The following SPAG16 variants were observed in gnomAD, a reference collection of about 807,000 sequenced individuals.
SPAG16 encodes sperm associated antigen 16.
Under a neutral mutation model 80.4 loss-of-function variants are expected in SPAG16, and 86 were observed. The ratio of observed to expected loss-of-function variants is 1.07; its 90% CI spans 0.90 to 1.28. SPAG16 has a LOEUF of 1.28. Ranked by LOEUF, SPAG16 falls within the 50% of genes most tolerant of loss-of-function variation. The pLI is 0.00. For missense variants in SPAG16, 870 were observed against 765.3 expected, an observed-to-expected ratio of 1.14 and a Z score of -1.61; for synonymous variants, 294 against 265.9, an observed-to-expected ratio of 1.11 and a Z score of -1.03.
At chr2:214,084,988 G>A (rs1432285593) in intron 13 of SPAG16, among the ~76,000 whole-genome samples, 1 of 152,196 alleles carries the variant, frequency 6.6e-6, no homozygotes, top group Non-Finnish European at 1.5e-5. Flanking sequence ...AGACAAAGCA[G>A]AGAGCAATTC....
chr2:214,032,363 C>A (rs1281232837), intron 13 of SPAG16, among the ~76,000 whole-genome samples: 1 of 152,314 alleles, frequency 6.6e-6, no homozygotes, highest in Non-Finnish European at 1.5e-5. Context: ...GGGTCTTGAG[C>A]TGGTACAGCT....
At chr2:213,512,345 C>T (rs912184388) in intron 10 of SPAG16, among the ~76,000 whole-genome samples, 26 of 152,194 alleles carry the variant, frequency 1.7e-4, no homozygotes, top group Non-Finnish European at 1.2e-4. Context: ...GTTGTCATAT[C>T]GTATTGCAAG....
rs61529213 is a variant in SPAG16, at chr2:213,897,245, T to C, written c.1215-32715T>C. On this transcript the variant is annotated intron_variant, in intron 11 of 15. Coordinates refer to ENST00000331683, the MANE Select transcript of SPAG16 (RefSeq NM_024532.5). ...ATACCATCATGTATAATTTGATGTATTGAACAGAAAATCAACATTGATGCA... is the reference window on the plus strand; with the variant it reads ...ATACCATCATGTATAATTTGATGTACTGAACAGAAAATCAACATTGATGCA... Among the ~76,000 whole-genome samples, 797 of 152,292 alleles carry C rather than the reference T, an allele frequency of 5.2e-3. 28 individuals carry two copies. The East Asian group carries it at 0.081, about 15-fold the overall frequency.
chr2:214,035,267 C>A (rs1233065585), intron 13 of SPAG16, among the ~76,000 whole-genome samples: 1 of 152,124 alleles, frequency 6.6e-6, no homozygotes, highest in Non-Finnish European at 1.5e-5. Context: ...AGTTCCCACT[C>A]GCGTCCATGG....
chr2:214,148,918 T>G (rs2125565590), intron 14 of SPAG16, among the ~76,000 whole-genome samples: 1 of 151,850 alleles, frequency 6.6e-6, no homozygotes, highest in East Asian at 1.9e-4. Context: ...TTTAATAATT[T>G]TATGTCCAAA....
At chr2:214,035,485 A>G (rs1312354382) in intron 13 of SPAG16, among the ~76,000 whole-genome samples, 3 of 152,146 alleles carry the variant, frequency 2.0e-5, no homozygotes, top group Admixed American at 6.5e-5. Flanking sequence ...TTGGTGCCCA[A>G]AGTCCAGAGG....
intron 3 of SPAG16, among the ~76,000 whole-genome samples, chr2:213,298,567 A>C (rs1283391289): frequency 6.6e-6 from 1 of 152,220 alleles, no homozygotes; most frequent in Non-Finnish European, 1.5e-5. Context: ...TAAATAAGAG[A>C]ATGGATAAGT....
chr2:214,329,896 G>T (rs967082137), intron 15 of SPAG16, among the ~76,000 whole-genome samples: 1 of 152,152 alleles, frequency 6.6e-6, no homozygotes, highest in Non-Finnish European at 1.5e-5. Flanking sequence ...CAGCTTGAAA[G>T]TCTAGGTATG....
At chr2:213,530,916 G>C (rs1356148989) in intron 10 of SPAG16, among the ~76,000 whole-genome samples, 1 of 151,450 alleles carries the variant, frequency 6.6e-6, no homozygotes, top group Non-Finnish European at 1.5e-5. Flanking sequence ...TTTTTTCTTA[G>C]CATTGTCTTC....
chr2:213,841,217 A>G (rs997940716), intron 10 of SPAG16, among the ~76,000 whole-genome samples: 11 of 152,186 alleles, frequency 7.2e-5, no homozygotes, highest in African/African-American at 2.4e-4. Flanking sequence ...AAAAATAGTC[A>G]TGAGCATGAG....
chr2:214,378,829 C>T (rs993585210), intron 15 of SPAG16, among the ~76,000 whole-genome samples: 2 of 152,220 alleles, frequency 1.3e-5, no homozygotes, highest in Non-Finnish European at 2.9e-5. Flanking sequence ...CAGTCACAGA[C>T]CTAGGAAACA....
chr2:214,178,461 A>G (rs1391468259), intron 15 of SPAG16, among the ~76,000 whole-genome samples: 2 of 151,418 alleles, frequency 1.3e-5, no homozygotes, highest in East Asian at 3.9e-4. Context: ...TGCTGAGGAA[A>G]CATCTGGATG....
chr2:214,222,418 G>A (rs2058602751), intron 15 of SPAG16, among the ~76,000 whole-genome samples: 1 of 152,000 alleles, frequency 6.6e-6, no homozygotes, highest in African/African-American at 2.4e-5. Context: ...CTCCCTCCTT[G>A]CTATTCTTGA....
intron 12 of SPAG16, among the ~76,000 whole-genome samples, chr2:213,956,929 T>A (rs2044174827): frequency 6.6e-6 from 1 of 152,200 alleles, no homozygotes; most frequent in South Asian, 2.1e-4. Context: ...TAATTTCCAA[T>A]GATTTCTAAA....
intron 10 of SPAG16, among the ~76,000 whole-genome samples, chr2:213,847,607 G>A (rs1268103612): frequency 6.6e-6 from 1 of 152,150 alleles, no homozygotes; most frequent in East Asian, 1.9e-4. Flanking sequence ...CCTACACCAG[G>A]CCCCACCTTC....
chr2:213,768,148 AAAG>A (rs2069042030), intron 10 of SPAG16, among the ~76,000 whole-genome samples: 1 of 152,210 alleles, frequency 6.6e-6, no homozygotes, highest in Non-Finnish European at 1.5e-5. Flanking sequence ...ACCTACAGGT[AAAG>A]GTGTACTCTG....
intron 12 of SPAG16, among the ~76,000 whole-genome samples, chr2:213,931,849 T>C (rs1429317426): frequency 2.6e-5 from 4 of 152,020 alleles, no homozygotes; most frequent in Non-Finnish European, 4.4e-5. Context: ...ACAAAATAAA[T>C]TGTACTAATT....
intron 15 of SPAG16, among the ~76,000 whole-genome samples, chr2:214,192,900 G>C (rs966799673): frequency 7.9e-5 from 12 of 152,092 alleles, no homozygotes; most frequent in African/African-American, 2.9e-4. Flanking sequence ...TTGCAATGGG[G>C]ATTTGTATGC....
At chr2:213,864,295 A>G (rs545385033) in intron 11 of SPAG16, among the ~76,000 whole-genome samples, 1 of 152,228 alleles carries the variant, frequency 6.6e-6, no homozygotes, top group Non-Finnish European at 1.5e-5. Context: ...TAAATTTGTA[A>G]TATTTGACTT....
Sources: gnomAD v4.1 joint callset for allele counts (sites outside exome capture counted in the v4.1 genomes callset) on GRCh38, gnomAD v4.1.1 for gene constraint, MANE v1.5 for transcripts, NCBI Gene and HGNC (gene_info 2026-07-23, HGNC 2026-07-21) for gene names.